The following BMP5 variants were observed in gnomAD, a reference collection of about 807,000 sequenced individuals.
The protein encoded by BMP5 is bone morphogenetic protein 5.
Under a neutral mutation model 46.6 loss-of-function variants are expected in BMP5, and 23 were observed. That is an observed-to-expected ratio of 0.49 (90% CI 0.35 to 0.70). BMP5 has a LOEUF of 0.70. Ranked by LOEUF, BMP5 falls within the 30% of genes least tolerant of loss-of-function variation. BMP5 has a pLI of 0.00. For synonymous variants in BMP5, 204 were observed against 191.9 expected (o/e 1.06, Z -0.52); for missense variants, 545 against 565.6 (o/e 0.96, Z 0.37).
chr6:55,765,452 T>G (rs941227836), intron 4 of BMP5, among the ~76,000 whole-genome samples: 1 of 152,164 alleles, frequency 6.6e-6, no homozygotes, highest in Non-Finnish European at 1.5e-5. Context: ...AGGAAGTTGA[T>G]ACCTAAAGCA....
intron 1 of BMP5, among the ~76,000 whole-genome samples, chr6:55,849,699 A>C (rs1777178351): frequency 6.6e-6 from 1 of 152,050 alleles, no homozygotes; most frequent in Non-Finnish European, 1.5e-5. Flanking sequence ...TAAGATGAAA[A>C]GCTTTTAAAA....
At chr6:55,816,356 C>T (rs1410602845) in intron 2 of BMP5, among the ~76,000 whole-genome samples, 1 of 151,940 alleles carries the variant, frequency 6.6e-6, no homozygotes, top group Non-Finnish European at 1.5e-5. Context: ...AAAAAGATAA[C>T]TATGAATAAA....
intron 4 of BMP5, among the ~76,000 whole-genome samples, chr6:55,773,825 T>C (rs1337496119): frequency 6.6e-6 from 1 of 151,916 alleles, no homozygotes; most frequent in African/African-American, 2.4e-5. Context: ...TTGACTTTAA[T>C]TTGAACTGAA....
intron 3 of BMP5, among the ~76,000 whole-genome samples, chr6:55,793,989 T>C (rs1252551213): frequency 6.6e-6 from 1 of 152,186 alleles, no homozygotes; most frequent in Non-Finnish European, 1.5e-5. Flanking sequence ...ATTAGAGTAG[T>C]GCTACTTACT....
At chr6:55,838,297 AGCGTTTGTTATT>A (rs1449577379) in intron 1 of BMP5, among the ~76,000 whole-genome samples, 1 of 152,126 alleles carries the variant, frequency 6.6e-6, no homozygotes, top group Non-Finnish European at 1.5e-5. Flanking sequence ...CACCCTCACA[AGCGTTTGTTATT>A]GCCTGTCTTT....
At chr6:55,850,848 A>C (rs1358214689) in intron 1 of BMP5, among the ~76,000 whole-genome samples, 2 of 152,294 alleles carry the variant, frequency 1.3e-5, no homozygotes, top group Admixed American at 1.3e-4. Flanking sequence ...GGCCTCTCCA[A>C]ACCTCAATTT....
chr6:55,772,217 G>T (rs1345543841), intron 4 of BMP5, among the ~76,000 whole-genome samples: 1 of 151,880 alleles, frequency 6.6e-6, no homozygotes, highest in Non-Finnish European at 1.5e-5. Context: ...CTGGTGAAAA[G>T]TTACGTGATT....
chr6:55,774,182 T>G lies in BMP5; in HGVS notation c.894A>C (p.Gln298His), dbSNP rs80225326. 23 of 1,612,956 alleles carry G rather than the reference T, an allele frequency of 1.4e-5. No individual in the cohort carries two copies. The highest frequency in any genetic ancestry group is 3.3e-5 in the Admixed American group (2 of 59,868). The change falls in exon 4 of 7, where the codon CAA becomes CAC. Residue 298 changes from glutamine to histidine, a missense_variant. Coordinates refer to ENST00000370830, the MANE Select transcript of BMP5 (RefSeq NM_021073.4). ...CCTTGAAGAAGGCCACCATGAATGGTTGTTTTGACTGAGGTCCCTGTCTTC... is the reference window on the plus strand; with the variant it reads ...CCTTGAAGAAGGCCACCATGAATGGGTGTTTTGACTGAGGTCCCTGTCTTC... Reference protein sequence around the residue: ...LVGRQGPQSKQPFMVAFFKAS... With the variant: ...LVGRQGPQSKHPFMVAFFKAS...
intron 1 of BMP5, among the ~76,000 whole-genome samples, chr6:55,844,799 C>T (rs1419297122): frequency 6.6e-6 from 1 of 151,630 alleles, no homozygotes; most frequent in African/African-American, 2.4e-5. Flanking sequence ...ATGAAATATA[C>T]AAGAAATAAA....
At chr6:55,782,057 T>C (rs930274958) in intron 3 of BMP5, among the ~76,000 whole-genome samples, 2 of 152,110 alleles carry the variant, frequency 1.3e-5, no homozygotes, top group African/African-American at 2.4e-5. Flanking sequence ...TTCTAAAATA[T>C]GCAGTAGAGA....
chr6:55,762,636 TA>T (rs1297148020), intron 4 of BMP5, among the ~76,000 whole-genome samples: 1 of 152,100 alleles, frequency 6.6e-6, no homozygotes, highest in African/African-American at 2.4e-5. Context: ...ACTTTAACAC[TA>T]AACATGAAAT....
At chr6:55,839,241 T>G (rs561515379) in intron 1 of BMP5, among the ~76,000 whole-genome samples, 1 of 152,188 alleles carries the variant, frequency 6.6e-6, no homozygotes, top group African/African-American at 2.4e-5. Context: ...TTTATTTTAT[T>G]TCTTATTTCA....
At chr6:55,821,462 T>C (rs1457334825) in intron 1 of BMP5, among the ~76,000 whole-genome samples, 1 of 152,090 alleles carries the variant, frequency 6.6e-6, no homozygotes, top group African/African-American at 2.4e-5. Context: ...GGGACTACTA[T>C]AGGTGTTCCC....
intron 1 of BMP5, among the ~76,000 whole-genome samples, chr6:55,867,915 A>G (rs1777689870): frequency 6.6e-6 from 1 of 152,144 alleles, no homozygotes. Context: ...GGCTTCCTGT[A>G]TACTACTCTA....
At chr6:55,831,211 C>G (rs1776656166) in intron 1 of BMP5, among the ~76,000 whole-genome samples, 2 of 152,024 alleles carry the variant, frequency 1.3e-5, no homozygotes, top group African/African-American at 4.8e-5. Flanking sequence ...GACCAAGTTT[C>G]CACAAAATAG....
At chr6:55,764,614 A>T (rs1042330651) in intron 4 of BMP5, among the ~76,000 whole-genome samples, 2 of 151,730 alleles carry the variant, frequency 1.3e-5, no homozygotes, top group Non-Finnish European at 2.9e-5. Flanking sequence ...GAAAAGAAAA[A>T]AAAGTCAATT....
At chr6:55,813,100 A>C (rs989755442) in intron 2 of BMP5, among the ~76,000 whole-genome samples, 3 of 152,228 alleles carry the variant, frequency 2.0e-5, no homozygotes, top group Non-Finnish European at 2.9e-5. Context: ...GGCTTAAGAA[A>C]AAATGAGAGC....
rs114803552 is a variant in BMP5, at chr6:55,815,744, G to A, written c.683+3911C>T. 5.1e-3 allele frequency among the ~76,000 whole-genome samples: 772 copies of A among 152,162 alleles called. 1 individual carries two copies. The highest frequency in any genetic ancestry group is 8.1e-3 in the Non-Finnish European group (552 of 67,948). ...AAATTTCCCAAAACTATGAAGTCAC[G>A]TGAACTAAGCATCAATATCCATAAA... On this transcript the variant is annotated intron_variant, in intron 2 of 6. Transcript: ENST00000370830.
chr6:55,804,132 T>C (rs1046337902), intron 2 of BMP5, among the ~76,000 whole-genome samples: 8 of 152,228 alleles, frequency 5.3e-5, no homozygotes, highest in African/African-American at 1.4e-4. Flanking sequence ...CAAAAACATA[T>C]GTTGAAGTAC....
Sources: gnomAD v4.1 joint callset for allele counts (sites outside exome capture counted in the v4.1 genomes callset) on GRCh38, gnomAD v4.1.1 for gene constraint, MANE v1.5 for transcripts, NCBI Gene and HGNC (gene_info 2026-07-23, HGNC 2026-07-21) for gene names.